PACRG: variants seen among roughly 807,000 people sequenced by gnomAD.
PACRG encodes the protein parkin coregulated gene protein.
PACRG carries 29 observed loss-of-function variants against 29.7 expected under a neutral mutation model. The observed-to-expected ratio is 0.98, with a 90% confidence interval of 0.73 to 1.33. The LOEUF is 1.33. PACRG is among the 40% of genes most tolerant of loss of function. The probability of loss-of-function intolerance (pLI) is 0.00; values close to 1 mark genes in which losing one functional copy is unlikely to be tolerated. For synonymous variants in PACRG, 116 were observed against 118.7 expected, an observed-to-expected ratio of 0.98 and a Z score of 0.15; for missense variants, 279 against 316.2, an observed-to-expected ratio of 0.88 and a Z score of 0.89.
At chr6:163,130,789 G>A (rs1453916428) in intron 4 of PACRG, among the ~76,000 whole-genome samples, 23 of 152,138 alleles carry the variant, frequency 1.5e-4, no homozygotes, top group Admixed American at 1.2e-3. Flanking sequence ...TTTGCCTGGG[G>A]TTGTGTCTGA....
intron 3 of PACRG, among the ~76,000 whole-genome samples, chr6:163,071,179 C>T (rs1482828638): frequency 6.6e-6 from 1 of 152,024 alleles, no homozygotes; most frequent in Non-Finnish European, 1.5e-5. Flanking sequence ...TTAATCTGTA[C>T]TATAGACCAA....
At chr6:163,005,017 C>CT (rs1465189018) in intron 2 of PACRG, among the ~76,000 whole-genome samples, 1 of 151,782 alleles carries the variant, frequency 6.6e-6, no homozygotes, top group Non-Finnish European at 1.5e-5. Flanking sequence ...TCATCTATTT[C>CT]TTTTTGACTA....
At chr6:163,076,006 T>A (rs1812503655) in intron 3 of PACRG, among the ~76,000 whole-genome samples, 1 of 152,194 alleles carries the variant, frequency 6.6e-6, no homozygotes, top group Admixed American at 6.5e-5. Flanking sequence ...CACATTTCAC[T>A]TCTATTCACT....
chr6:163,086,931 G>A (rs1813614860), intron 3 of PACRG, among the ~76,000 whole-genome samples: 1 of 152,042 alleles, frequency 6.6e-6, no homozygotes, highest in Admixed American at 6.6e-5. Context: ...AACAAACTAG[G>A]GGCTGTGGTA....
In PACRG at chr6:163,308,665, C is replaced by CAAAAAAA. The variant is rs34275762; in HGVS notation, c.614-6154_614-6148dup. Among the ~76,000 whole-genome samples, 34 of 131,392 alleles carry CAAAAAAA rather than the reference C, an allele frequency of 2.6e-4. 1 individual carries two copies. Among genetic ancestry groups the CAAAAAAA allele is most frequent in the East Asian group, 6.8e-4 (3 of 4,418 alleles). 86.2% of individuals were successfully genotyped at this position (131,392 alleles called of 152,430 possible). Reference sequence around the variant, plus strand: ...TGGACCACAGAGTGAGGCTCCGTCTCAAAAAAAAAAAAAAGGAAAATTTAT... The same window carrying CAAAAAAA: ...TGGACCACAGAGTGAGGCTCCGTCTCAAAAAAAAAAAAAAAAAAAAAGGAAAATTTAT... On this transcript the variant is annotated intron_variant, in intron 4 of 4. Transcript: ENST00000366888.
chr6:163,295,886 C>A (rs1488994373), intron 4 of PACRG, among the ~76,000 whole-genome samples: 2 of 152,166 alleles, frequency 1.3e-5, no homozygotes, highest in Non-Finnish European at 2.9e-5. Context: ...AAACTCCTAG[C>A]CTGATGCCTG....
chr6:163,285,261 C>A (rs542070899), intron 4 of PACRG, among the ~76,000 whole-genome samples: 2 of 151,986 alleles, frequency 1.3e-5, no homozygotes, highest in Admixed American at 1.3e-4. Context: ...AGGGCCTTTG[C>A]GCAAACCCTT....
At chr6:162,809,877 C>T (rs1410635102) in intron 1 of PACRG, among the ~76,000 whole-genome samples, 2 of 152,160 alleles carry the variant, frequency 1.3e-5, no homozygotes, top group Non-Finnish European at 2.9e-5. Context: ...CTTTCCTCTT[C>T]ACTAGAATAG....
At chr6:162,739,908 G>C (rs144921434) in intron 1 of PACRG, among the ~76,000 whole-genome samples, 158 of 149,362 alleles carry the variant, frequency 1.1e-3, no homozygotes, top group African/African-American at 3.8e-3. Flanking sequence ...ATATTGTAAG[G>C]TTTCTTCTAT....
At chr6:163,230,336 A>G (rs181235264) in intron 4 of PACRG, among the ~76,000 whole-genome samples, 197 of 152,366 alleles carry the variant, frequency 1.3e-3, no homozygotes, top group Non-Finnish European at 2.2e-3. Context: ...CCTAAAATGT[A>G]TATGGAGTAC....
At chr6:162,770,009 G>C (rs1783094965) in intron 1 of PACRG, among the ~76,000 whole-genome samples, 1 of 151,494 alleles carries the variant, frequency 6.6e-6, no homozygotes, top group Non-Finnish European at 1.5e-5. Flanking sequence ...TTATTTTTAT[G>C]AGTGACTTCA....
intron 4 of PACRG, among the ~76,000 whole-genome samples, chr6:163,252,125 G>C (rs531194062): frequency 6.6e-6 from 1 of 152,292 alleles, no homozygotes; most frequent in East Asian, 1.9e-4. Context: ...TGCGTTTCCT[G>C]CCTGCCTCAC....
intron 4 of PACRG, among the ~76,000 whole-genome samples, chr6:163,225,631 A>T (rs1781760975): frequency 6.6e-6 from 1 of 152,244 alleles, no homozygotes; most frequent in Non-Finnish European, 1.5e-5. Context: ...TAGTACAGCC[A>T]TTATGGAAAA....
intron 2 of PACRG, among the ~76,000 whole-genome samples, chr6:163,033,171 C>T (rs1425271420): frequency 6.6e-6 from 1 of 152,182 alleles, no homozygotes; most frequent in Non-Finnish European, 1.5e-5. Context: ...ACTGTGTCTT[C>T]ACTAGTCTCA....
rs1016781451 is a variant in PACRG, at chr6:163,095,470, A to G, written c.613+6062A>G. 10 of 958,022 alleles carry G rather than the reference A, an allele frequency of 1.0e-5. No homozygotes were observed. The African/African-American group carries it at 1.1e-4, about 10-fold the overall frequency. The allele number at this position is 958,022 out of a possible 1,614,324, so 59.3% of individuals were successfully genotyped here. On this transcript the variant is annotated intron_variant, in intron 4 of 4. Transcript: ENST00000366888. ...TCCTGGAGCCACGTAACAAATTACC[A>G]TACACAGAATGGCTTAAACAACAGA...
chr6:163,095,382 T>G (rs1398440565), intron 4 of PACRG: 2 of 985,376 alleles, frequency 2.0e-6, no homozygotes, highest in African/African-American at 3.5e-5. Context: ...CTGAGTTGTC[T>G]GTAACCTGGT....
chr6:163,194,257 T>A (rs1780348545), intron 4 of PACRG, among the ~76,000 whole-genome samples: 1 of 152,150 alleles, frequency 6.6e-6, no homozygotes, highest in Non-Finnish European at 1.5e-5. Context: ...GAGGAGAGAT[T>A]CCATAGTCAG....
At chr6:163,195,743 G>T (rs935460178) in intron 4 of PACRG, among the ~76,000 whole-genome samples, 4 of 152,106 alleles carry the variant, frequency 2.6e-5, no homozygotes, top group Non-Finnish European at 4.4e-5. Context: ...GAGATTCTGC[G>T]CCTAAAGACA....
intron 2 of PACRG, chr6:163,016,196 GAACAGTT>G (rs1336593726): frequency 2.0e-5 from 3 of 152,182 alleles, no homozygotes; most frequent in Non-Finnish European, 4.4e-5. Flanking sequence ...TCGTCTTTCT[GAACAGTT>G]AACTTGTATT....
Sources: allele counts gnomAD v4.1 joint callset (sites outside exome capture counted in the v4.1 genomes callset), GRCh38; gene constraint gnomAD v4.1.1; transcripts MANE v1.5; gene names NCBI Gene and HGNC (gene_info 2026-07-23, HGNC 2026-07-21).